Variants in DPP10 observed in about 807,000 individuals in gnomAD.
The protein encoded by DPP10 is inactive dipeptidyl peptidase 10.
DPP10 carries 33 observed loss-of-function variants against 120.9 expected under a neutral mutation model. The observed-to-expected ratio is 0.27, with a 90% confidence interval of 0.21 to 0.37. DPP10 has a LOEUF of 0.37. Ranked by LOEUF, DPP10 falls within the 10% of genes least tolerant of loss-of-function variation. The pLI, the probability that DPP10 is intolerant of heterozygous loss-of-function variation, is 1.00. For synonymous variants in DPP10, 337 were observed against 326.1 expected (o/e 1.03, Z -0.36); for missense variants, 816 against 942.8 (o/e 0.87, Z 1.76).
chr2:114,714,964 A>G (rs1393979491), intron 1 of DPP10, among the ~76,000 whole-genome samples: 1 of 152,186 alleles, frequency 6.6e-6, no homozygotes, highest in African/African-American at 2.4e-5. Flanking sequence ...GTCTCCCTAG[A>G]AAGACAAAAG....
chr2:114,806,974 A>G (rs545946782), intron 1 of DPP10, among the ~76,000 whole-genome samples: 1 of 152,320 alleles, frequency 6.6e-6, no homozygotes, highest in Non-Finnish European at 1.5e-5. Flanking sequence ...TGAGTACAGA[A>G]TCAGTCGTGA....
intron 7 of DPP10, among the ~76,000 whole-genome samples, chr2:115,700,840 A>G (rs1195610935): frequency 6.6e-6 from 1 of 152,160 alleles, no homozygotes; most frequent in East Asian, 1.9e-4. Context: ...TTTTATTTAC[A>G]ATAGCATGAA....
intron 3 of DPP10, 60 bp downstream of exon 3, chr2:115,343,972 A>T (rs1198687952): frequency 7.9e-6 from 11 of 1,398,020 alleles, no homozygotes; most frequent in Admixed American, 2.2e-5. Context: ...TTAAAATTTT[A>T]AAAAATGAGA....
intron 1 of DPP10, among the ~76,000 whole-genome samples, chr2:114,755,962 A>AG (rs1252519953): frequency 6.6e-6 from 1 of 151,768 alleles, no homozygotes; most frequent in Non-Finnish European, 1.5e-5. Context: ...AAAAAAAAAA[A>AG]AAAAAAGAAA....
chr2:114,513,623 A>AAAAGAAAG (rs61159493), intron 1 of DPP10, among the ~76,000 whole-genome samples: 262 of 150,372 alleles, frequency 1.7e-3, no homozygotes, highest in African/African-American at 5.0e-3. Flanking sequence ...GAAGGGAGGA[A>AAAAGAAAG]AAAGAAAGAA....
intron 5 of DPP10, among the ~76,000 whole-genome samples, chr2:115,547,906 C>G (rs2079614022): frequency 6.6e-6 from 1 of 152,012 alleles, no homozygotes; most frequent in South Asian, 2.1e-4. Context: ...TAAGTTAGAT[C>G]AAAATCGATT....
chr2:115,031,251 G>GA (rs1360539076), intron 1 of DPP10, among the ~76,000 whole-genome samples: 4 of 151,732 alleles, frequency 2.6e-5, no homozygotes, highest in Admixed American at 6.6e-5. Context: ...ATATTGAAAA[G>GA]AAAAAAAAGA....
intron 5 of DPP10, among the ~76,000 whole-genome samples, chr2:115,607,988 C>CT (rs1246628469): frequency 1.2e-4 from 19 of 152,290 alleles, no homozygotes; most frequent in African/African-American, 4.6e-4. Flanking sequence ...GACTAGACTT[C>CT]TGTTTAAACA....
chr2:114,733,996 T>C (rs1211793041), intron 1 of DPP10, among the ~76,000 whole-genome samples: 1 of 152,190 alleles, frequency 6.6e-6, no homozygotes. Flanking sequence ...TAGGGACTAA[T>C]GACCTACAAA....
At chr2:114,603,436 G>A (rs555839591) in intron 1 of DPP10, among the ~76,000 whole-genome samples, 10 of 152,118 alleles carry the variant, frequency 6.6e-5, no homozygotes, top group African/African-American at 1.2e-4. Context: ...AAACCATAAC[G>A]TCGGGATTAC....
In DPP10 at chr2:115,728,288, TA is replaced by T. The variant is rs60549082; in HGVS notation, c.697+370del. Among the ~76,000 whole-genome samples, 1,222 of 147,346 alleles carry T rather than the reference TA, an allele frequency of 8.3e-3. 6 individuals carry two copies. The highest frequency in any genetic ancestry group is 0.012 in the African/African-American group (479 of 40,432). ...AAGAAGAAACAGAAACCTTTATTTC[TA>T]AAAAAAAAAAAAAAAAATGCATAAA... On this transcript the variant is annotated intron_variant, in intron 8 of 25. Coordinates refer to ENST00000410059, the MANE Select transcript of DPP10 (RefSeq NM_020868.6).
intron 3 of DPP10, among the ~76,000 whole-genome samples, chr2:115,432,263 C>T (rs1293365860): frequency 6.6e-6 from 1 of 151,984 alleles, no homozygotes; most frequent in Non-Finnish European, 1.5e-5. Context: ...CATGTTGACT[C>T]GTACTTTATT....
chr2:115,722,885 G>A (rs1362198446), intron 7 of DPP10, among the ~76,000 whole-genome samples: 2 of 152,118 alleles, frequency 1.3e-5, no homozygotes, highest in Non-Finnish European at 2.9e-5. Flanking sequence ...AAACAGTGTC[G>A]TAAAGGCTGG....
intron 1 of DPP10, among the ~76,000 whole-genome samples, chr2:114,860,301 G>A (rs1689710703): frequency 6.6e-6 from 1 of 152,050 alleles, no homozygotes; most frequent in African/African-American, 2.4e-5. Context: ...TCTACCATAT[G>A]CCACATATTG....
At chr2:115,486,912 A>AG (rs2075812072) in intron 3 of DPP10, among the ~76,000 whole-genome samples, 1 of 152,168 alleles carries the variant, frequency 6.6e-6, no homozygotes, top group African/African-American at 2.4e-5. Flanking sequence ...TATCACAGGA[A>AG]GTACCATTCA....
chr2:115,762,738 T>C, intron 12 of DPP10, 128 bp downstream of exon 12: 1 of 1,049,122 alleles, frequency 9.5e-7, no homozygotes, highest in Non-Finnish European at 1.4e-6. Flanking sequence ...TGATCCTTTT[T>C]CATTAAAAGG....
chr2:114,667,870 T>G (rs61248105), intron 1 of DPP10, among the ~76,000 whole-genome samples: 12,382 of 152,176 alleles, frequency 0.081, 1,744 homozygotes, highest in African/African-American at 0.28. Flanking sequence ...ACAGAGAATG[T>G]TCTACATGCT....
At chr2:114,980,637 A>G (rs1700023640) in intron 1 of DPP10, among the ~76,000 whole-genome samples, 1 of 150,470 alleles carries the variant, frequency 6.6e-6, no homozygotes, top group Non-Finnish European at 1.5e-5. Flanking sequence ...ATCTACTGAA[A>G]AAAAAAAAAA....
intron 1 of DPP10, among the ~76,000 whole-genome samples, chr2:114,820,560 C>T (rs6759687): frequency 9.9e-5 from 15 of 152,182 alleles, no homozygotes; most frequent in Non-Finnish European, 2.2e-4. Flanking sequence ...TTAATTGACT[C>T]ACAGTGCAGC....
Sources: gnomAD v4.1 joint callset for allele counts (sites outside exome capture counted in the v4.1 genomes callset) on GRCh38, gnomAD v4.1.1 for gene constraint, MANE v1.5 for transcripts, NCBI Gene and HGNC (gene_info 2026-07-23, HGNC 2026-07-21) for gene names.